Variants in SPAG16 observed in about 807,000 individuals in gnomAD.
SPAG16 encodes the protein sperm-associated antigen 16 protein.
SPAG16 carries 86 observed loss-of-function variants against 80.4 expected under a neutral mutation model. The ratio of observed to expected loss-of-function variants is 1.07; its 90% CI spans 0.90 to 1.28. The LOEUF (loss-of-function observed/expected upper bound fraction) is 1.28, where lower values mean the gene tolerates loss of function less well. Ranked by LOEUF, SPAG16 falls within the 50% of genes most tolerant of loss-of-function variation. SPAG16 has a pLI of 0.00. For synonymous variants in SPAG16, 294 were observed against 265.9 expected, an observed-to-expected ratio of 1.11 and a Z score of -1.03; for missense variants, 870 against 765.3, an observed-to-expected ratio of 1.14 and a Z score of -1.61.
At chr2:213,664,836 CAT>C (rs10592601) in intron 10 of SPAG16, among the ~76,000 whole-genome samples, 62,506 of 151,542 alleles carry the variant, frequency 0.41, 13,778 homozygotes, top group African/African-American at 0.56. Context: ...CATATATATA[CAT>C]ATATACACAC....
intron 10 of SPAG16, among the ~76,000 whole-genome samples, chr2:213,828,009 C>T (rs566474520): frequency 4.6e-5 from 7 of 152,168 alleles, no homozygotes; most frequent in African/African-American, 1.4e-4. Context: ...GTTAAATCTC[C>T]TTGGTGTTGT....
chr2:213,634,396 G>A (rs933962887), intron 10 of SPAG16, among the ~76,000 whole-genome samples: 6 of 152,014 alleles, frequency 3.9e-5, no homozygotes, highest in Non-Finnish European at 8.8e-5. Context: ...AGTTGTGGTA[G>A]TTACTATTTT....
intron 10 of SPAG16, among the ~76,000 whole-genome samples, chr2:213,492,940 A>T (rs2074328247): frequency 6.6e-6 from 1 of 152,130 alleles, no homozygotes; most frequent in African/African-American, 2.4e-5. Flanking sequence ...TAAGGCAGTT[A>T]TTATTTTTCT....
chr2:213,489,407 T>C (rs1239041128), intron 9 of SPAG16, among the ~76,000 whole-genome samples: 2 of 152,138 alleles, frequency 1.3e-5, no homozygotes, highest in Non-Finnish European at 2.9e-5. Context: ...CAGATGTGGA[T>C]TCTAATATGT....
intron 13 of SPAG16, among the ~76,000 whole-genome samples, chr2:214,065,492 G>T (rs1374202761): frequency 1.3e-5 from 2 of 152,014 alleles, no homozygotes; most frequent in Non-Finnish European, 2.9e-5. Context: ...TTTAAAGTGG[G>T]AAGAACAAAA....
chr2:213,506,000 T>G (rs948470929), intron 10 of SPAG16, among the ~76,000 whole-genome samples: 1 of 151,926 alleles, frequency 6.6e-6, no homozygotes, highest in African/African-American at 2.4e-5. Flanking sequence ...TGTACTTGTC[T>G]GCTTCATTTG....
intron 6 of SPAG16, among the ~76,000 whole-genome samples, chr2:213,349,451 C>T (rs2125036374): frequency 6.6e-6 from 1 of 152,184 alleles, no homozygotes; most frequent in South Asian, 2.1e-4. Context: ...CTGATATCAC[C>T]AGAGGCTGGC....
intron 10 of SPAG16, among the ~76,000 whole-genome samples, chr2:213,820,423 CT>C (rs1341837176): frequency 6.6e-6 from 1 of 151,954 alleles, no homozygotes; most frequent in Admixed American, 6.6e-5. Flanking sequence ...AACTTGTATT[CT>C]TTGGTGATGG....
chr2:213,861,680 G>A (rs557118161), intron 10 of SPAG16, among the ~76,000 whole-genome samples: 5 of 152,244 alleles, frequency 3.3e-5, no homozygotes, highest in African/African-American at 1.2e-4. Context: ...TAAGATTAAA[G>A]CATTGCCATA....
Position 213,862,510 on chromosome 2 carries a change from A to C in SPAG16, c.1096A>C (p.Ile366Leu). The C allele has an allele frequency of 6.2e-7, 1 of 1,614,110 alleles. No individual in the cohort carries two copies. The highest frequency in any genetic ancestry group is 8.5e-7 in the Non-Finnish European group (1 of 1,179,970). ...SCVSMQPHKD[I>L]LVSCGEDRLW... ...TGTCTCCATGCAACCCCACAAAGAC[A>C]TCCTAGTCTCCTGTGGCGAGGACCG... Residue 366 changes from isoleucine to leucine, a missense_variant, in exon 11 of 16, where the codon ATC becomes CTC. Ile to Leu is a conservative substitution (Grantham distance 5). Coordinates refer to ENST00000331683, the MANE Select transcript of SPAG16 (RefSeq NM_024532.5).
chr2:214,169,225 A>G (rs527627598), intron 15 of SPAG16, among the ~76,000 whole-genome samples: 1 of 152,222 alleles, frequency 6.6e-6, no homozygotes, highest in African/African-American at 2.4e-5. Flanking sequence ...TCTGAGATGT[A>G]AATTAATGTA....
At chr2:214,151,427 A>G (rs184558271) in intron 15 of SPAG16, among the ~76,000 whole-genome samples, 1 of 151,980 alleles carries the variant, frequency 6.6e-6, no homozygotes, top group Non-Finnish European at 1.5e-5. Flanking sequence ...TTCTAGTTGC[A>G]TTTATTCAGG....
chr2:214,055,231 T>A (rs892580023), intron 13 of SPAG16, among the ~76,000 whole-genome samples: 3 of 152,194 alleles, frequency 2.0e-5, no homozygotes, highest in South Asian at 4.1e-4. Context: ...CCTGTAAGAA[T>A]TACCAACTAC....
At chr2:214,377,152 C>T (rs549174978) in intron 15 of SPAG16, among the ~76,000 whole-genome samples, 1 of 152,304 alleles carries the variant, frequency 6.6e-6, no homozygotes, top group African/African-American at 2.4e-5. Context: ...CCATGTGACA[C>T]TAACCATCTC....
intron 10 of SPAG16, among the ~76,000 whole-genome samples, chr2:213,794,553 C>T (rs753173643): frequency 6.6e-6 from 1 of 151,822 alleles, no homozygotes; most frequent in Non-Finnish European, 1.5e-5. Flanking sequence ...ACTTTTCTTC[C>T]CGAAATACTT....
chr2:214,047,658 C>T (rs981570897), intron 13 of SPAG16, among the ~76,000 whole-genome samples: 1 of 152,222 alleles, frequency 6.6e-6, no homozygotes, highest in Admixed American at 6.5e-5. Flanking sequence ...CAATACCCTA[C>T]AAGCAAAGGC....
intron 10 of SPAG16, among the ~76,000 whole-genome samples, chr2:213,528,509 TTTA>T (rs1339664853): frequency 6.6e-6 from 1 of 152,174 alleles, no homozygotes; most frequent in East Asian, 1.9e-4. Flanking sequence ...GAATGAATGA[TTTA>T]TTCATTTAAT....
intron 9 of SPAG16, among the ~76,000 whole-genome samples, chr2:213,463,210 G>C (rs2072480083): frequency 6.6e-6 from 1 of 152,202 alleles, no homozygotes; most frequent in African/African-American, 2.4e-5. Flanking sequence ...GAAGAAGTTT[G>C]TAAGCATCGA....
rs552555466 is a variant in SPAG16 at position 213,689,519 on chromosome 2, G to C, written c.1071-172966G>C. On this transcript the variant is annotated intron_variant, in intron 10 of 15. Transcript: ENST00000331683. Reference sequence around the variant, plus strand: ...GATTTTAAACTTAGAACAGAATTTAGTGCTGGGGCTTTTTTTTTTTTTTTT... The same window carrying C: ...GATTTTAAACTTAGAACAGAATTTACTGCTGGGGCTTTTTTTTTTTTTTTT... Among the ~76,000 whole-genome samples the C allele has an allele frequency of 6.3e-5, 8 of 126,082 alleles. No individual in the cohort carries two copies. The South Asian group carries it at 2.3e-3, about 36-fold the overall frequency. The allele number at this position is 126,082 out of a possible 152,430, so 82.7% of individuals were successfully genotyped here. A position where few individuals can be genotyped will look rare whatever the true frequency, so the allele number is the denominator to read the frequency against.
Sources: gnomAD v4.1 joint callset for allele counts (sites outside exome capture counted in the v4.1 genomes callset) on GRCh38, gnomAD v4.1.1 for gene constraint, MANE v1.5 for transcripts, NCBI Gene and HGNC (gene_info 2026-07-23, HGNC 2026-07-21) for gene names.